RPGRIP1L: variants seen among roughly 807,000 people sequenced by gnomAD.
RPGRIP1L encodes protein fantom.
RPGRIP1L carries 131 observed loss-of-function variants against 160.4 expected under a neutral mutation model. The ratio of observed to expected loss-of-function variants is 0.82; its 90% confidence interval spans 0.71 to 0.94. RPGRIP1L has a LOEUF of 0.94. Among genes scored for constraint, RPGRIP1L ranks in the 40% least tolerant of loss-of-function variants. The pLI is 0.00. For missense variants in RPGRIP1L, 1,522 were observed against 1,535.8 expected (o/e 0.99, Z 0.15); for synonymous variants, 510 against 515.8 (o/e 0.99, Z 0.15).
intron 1 of RPGRIP1L, among the ~76,000 whole-genome samples, chr16:53,702,181 G>A: frequency 6.6e-6 from 1 of 152,168 alleles, no homozygotes; most frequent in South Asian, 2.1e-4. Context: ...CCATATCCTT[G>A]TGAGGCTGTT....
At position 53,656,237 on chromosome 16, in the gene RPGRIP1L, A is replaced by G. The variant is rs147345079; in HGVS notation, c.1699+235T>C. Among the ~76,000 whole-genome samples the G allele has an allele frequency of 5.0e-3, 765 of 152,144 alleles. 3 individuals are homozygous for G. The highest frequency in any genetic ancestry group is 8.7e-3 in the Non-Finnish European group (593 of 68,002). On this transcript the variant is annotated intron_variant, in intron 14 of 26. Transcript: ENST00000647211. Reference sequence around the variant, plus strand: ...TACTTTGAGAGGCCGAGGCGGGAGGACGATTTGAGCCCAGGAGTTTGAGAT... The same window carrying G: ...TACTTTGAGAGGCCGAGGCGGGAGGGCGATTTGAGCCCAGGAGTTTGAGAT...
At chr16:53,653,287 AC>A (rs1369155368) in intron 14 of RPGRIP1L, 9 of 978,870 alleles carry the variant, frequency 9.2e-6, no homozygotes, top group Non-Finnish European at 1.1e-5. Context: ...TGAGATAACT[AC>A]CTGGATTTCA....
chr16:53,617,161 T>G (rs577100463), intron 24 of RPGRIP1L, among the ~76,000 whole-genome samples: 8 of 147,696 alleles, frequency 5.4e-5, no homozygotes, highest in Admixed American at 3.4e-4. Flanking sequence ...GCACAAAATT[T>G]GGGCCACTTG....
At chr16:53,680,003 C>G (rs1373641529) in intron 6 of RPGRIP1L, among the ~76,000 whole-genome samples, 4 of 152,124 alleles carry the variant, frequency 2.6e-5, no homozygotes, top group Non-Finnish European at 4.4e-5. Flanking sequence ...AAGTTAAATT[C>G]TTCCCACTCT....
chr16:53,606,549 G>GT (rs1432621852), intron 25 of RPGRIP1L, among the ~76,000 whole-genome samples: 1 of 152,168 alleles, frequency 6.6e-6, no homozygotes, highest in African/African-American at 2.4e-5. Flanking sequence ...CTTGCTGAAA[G>GT]TAAGTATTCT....
At chr16:53,703,563 C>T (rs1971690401) in intron 1 of RPGRIP1L, 1 of 166,732 alleles carries the variant, frequency 6.0e-6, no homozygotes, top group South Asian at 1.4e-4. Context: ...ACCTTCATGG[C>T]TGGGATATAA....
chr16:53,611,785 CA>C (rs1385262389), intron 24 of RPGRIP1L, among the ~76,000 whole-genome samples: 1 of 152,218 alleles, frequency 6.6e-6, no homozygotes, highest in Non-Finnish European at 1.5e-5. Flanking sequence ...GCGAACAGTA[CA>C]ATTTTCATCC....
Position 53,696,034 on chromosome 16 carries a change from C to T in RPGRIP1L, c.230+117G>A, listed in dbSNP as rs940782228. The T allele has an allele frequency of 3.0e-6, 3 of 1,003,170 alleles. No homozygotes were observed. In the African/African-American group the frequency reaches 4.8e-5, roughly 16 times the overall value. 62.1% of individuals were successfully genotyped at this position (1,003,170 alleles called of 1,614,324 possible). A position where few individuals can be genotyped will look rare whatever the true frequency, so the allele number is the denominator to read the frequency against. On this transcript the variant is annotated intron_variant, in intron 3 of 26. Transcript: ENST00000647211. ...CATTTTTAAAAATTGTACTTATTTA[C>T]ATCCTGCCTTGTTCCAAACAAGATT...
intron 6 of RPGRIP1L, among the ~76,000 whole-genome samples, chr16:53,677,844 C>T (rs1405322408): frequency 6.6e-6 from 1 of 152,060 alleles, no homozygotes; most frequent in Admixed American, 6.6e-5. Flanking sequence ...GACCTCCACA[C>T]AATATTTTTT....
rs745687958 is a variant in RPGRIP1L, at chr16:53,602,161, C to T, written c.3863G>A (p.Gly1288Asp). ...GACTGTTACCCTGAGCTTGCCAATA[C>T]CTTCACCATCTGCTCGTGCATCAAA... Reference protein sequence around the residue: ...DVFDARADGEGIGKLRVTVEA... With the variant: ...DVFDARADGEDIGKLRVTVEA... Residue 1288 changes from glycine (G) to aspartate (D), a missense_variant, in exon 27 of 27, where the codon GGT becomes GAT. Coordinates refer to ENST00000647211, the MANE Select transcript of RPGRIP1L (RefSeq NM_015272.5). 6.2e-7 allele frequency: 1 copy of T among 1,613,520 alleles called. No individual in the cohort carries two copies. The highest frequency in any genetic ancestry group is 1.1e-5 in the South Asian group (1 of 91,048).
chr16:53,699,790 C>T (rs1437526145), intron 2 of RPGRIP1L, among the ~76,000 whole-genome samples: 20 of 148,094 alleles, frequency 1.4e-4, no homozygotes, highest in Admixed American at 7.5e-4. Flanking sequence ...TGCACTCCAG[C>T]CTGGGCGACA....
At chr16:53,695,321 A>T (rs2151375354) in intron 3 of RPGRIP1L, 1 of 696,010 alleles carries the variant, frequency 1.4e-6, no homozygotes, top group African/African-American at 1.8e-5. Flanking sequence ...TCAAAGTAAA[A>T]GGCCTGCACA....
chr16:53,610,960 A>G lies in RPGRIP1L; in HGVS notation c.3701+7T>C, dbSNP rs1305054915. On this transcript the variant is annotated splice_region_variant and intron_variant, in intron 25 of 26. Coordinates refer to ENST00000647211, the MANE Select transcript of RPGRIP1L (RefSeq NM_015272.5). ...ACCATTAGATTATTTGGACTGCCAA[A>G]ACATACCTTCTATTAGGCATCTCTT... The G allele has an allele frequency of 6.3e-7, 1 of 1,595,086 alleles. No homozygotes were observed. The highest frequency in any genetic ancestry group is 1.7e-5 in the Admixed American group (1 of 59,994).
At chr16:53,656,231 G>A (rs112773637) in intron 14 of RPGRIP1L, among the ~76,000 whole-genome samples, 2 of 152,088 alleles carry the variant, frequency 1.3e-5, no homozygotes, top group Non-Finnish European at 2.9e-5. Flanking sequence ...AGGCCGAGGC[G>A]GGAGGACGAT....
At position 53,645,156 on chromosome 16, in the gene RPGRIP1L, C is replaced by T. The variant is rs187188472; in HGVS notation, c.2683+469G>A. Among the ~76,000 whole-genome samples the T allele has an allele frequency of 3.9e-3, 600 of 152,104 alleles. 3 individuals carry two copies. Among genetic ancestry groups the T allele is most frequent in the Non-Finnish European group, 6.8e-3 (465 of 67,950 alleles). On this transcript the variant is annotated intron_variant, in intron 17 of 26. Transcript: ENST00000647211. ...AGAATATCAAAAATGCAAATATGTA[C>T]GTAAATATCAAAGTCTTCTATAATT...
intron 24 of RPGRIP1L, among the ~76,000 whole-genome samples, chr16:53,611,782 G>C (rs1964055951): frequency 6.6e-6 from 1 of 152,354 alleles, no homozygotes; most frequent in African/African-American, 2.4e-5. Context: ...TGTGCGAACA[G>C]TACAATTTTC....
At position 53,599,735 on chromosome 16, in the gene RPGRIP1L, G is replaced by A. The variant is rs1963300237; in HGVS notation, c.*2341C>T. On this transcript the variant is annotated 3_prime_UTR_variant, in exon 27 of 27. Transcript: ENST00000647211. ...CCCAAAAGGTGGTAAGCTTTTCAAT[G>A]GCCTCCAGTTACCACAAGATAAAAC... 1 of 152,214 alleles carries A rather than the reference G, an allele frequency of 6.6e-6. No homozygotes were observed. The highest frequency in any genetic ancestry group is 6.5e-5 in the Admixed American group (1 of 15,278). 9.4% of individuals were successfully genotyped at this position (152,214 alleles called of 1,614,324 possible).
intron 10 of RPGRIP1L, among the ~76,000 whole-genome samples, chr16:53,663,352 GC>G (rs1230803773): frequency 1.3e-5 from 2 of 151,988 alleles, no homozygotes; most frequent in Non-Finnish European, 2.9e-5. Flanking sequence ...CTTAAGAAAA[GC>G]TTCTTTGCAA....
At chr16:53,637,476 T>G (rs189024042) in intron 21 of RPGRIP1L, among the ~76,000 whole-genome samples, 1 of 152,196 alleles carries the variant, frequency 6.6e-6, no homozygotes, top group Non-Finnish European at 1.5e-5. Flanking sequence ...ATAACACTTG[T>G]ATTCTATTGT....
Sources: gnomAD v4.1 joint callset for allele counts (sites outside exome capture counted in the v4.1 genomes callset) on GRCh38, gnomAD v4.1.1 for gene constraint, MANE v1.5 for transcripts, NCBI Gene and HGNC (gene_info 2026-07-23, HGNC 2026-07-21) for gene names.